The following MACROD2 variants were observed in gnomAD, a reference collection of about 807,000 sequenced individuals.
MACROD2 encodes mono-ADP ribosylhydrolase 2.
In MACROD2, 36 loss-of-function variants were observed where a neutral mutation model predicts 70.4. The ratio of observed to expected loss-of-function variants is 0.51; its 90% CI spans 0.39 to 0.68. The LOEUF is 0.68. MACROD2 is among the 30% of genes least tolerant of loss of function. The probability of loss-of-function intolerance (pLI) is 0.00; values close to 1 mark genes in which losing one functional copy is unlikely to be tolerated. For synonymous variants in MACROD2, 172 were observed against 178.8 expected (o/e 0.96, Z 0.30); for missense variants, 496 against 538.4 (o/e 0.92, Z 0.78).
chr20:14,558,182 A>G (rs769815099), intron 4 of MACROD2, among the ~76,000 whole-genome samples: 27 of 151,910 alleles, frequency 1.8e-4, no homozygotes, highest in Middle Eastern at 3.4e-3. Context: ...GGCCGTAAGC[A>G]GATTACTGAT....
intron 4 of MACROD2, among the ~76,000 whole-genome samples, chr20:14,657,877 C>A (rs1295597014): frequency 6.6e-6 from 1 of 151,806 alleles, no homozygotes. Flanking sequence ...TTCTAAGTCA[C>A]ACTCATTTTG....
chr20:15,058,110 G>A (rs548705647), intron 5 of MACROD2, among the ~76,000 whole-genome samples: 3 of 152,134 alleles, frequency 2.0e-5, no homozygotes, highest in Admixed American at 6.5e-5. Context: ...GCTGCTCGAC[G>A]TAGGGGAAGG....
chr20:15,989,217 G>T (rs1446057079), intron 15 of MACROD2, among the ~76,000 whole-genome samples: 1 of 152,142 alleles, frequency 6.6e-6, no homozygotes. Context: ...ATTTCCCCAA[G>T]TCCATTTATC....
chr20:15,382,970 A>G (rs1307351394), intron 6 of MACROD2, among the ~76,000 whole-genome samples: 1 of 152,166 alleles, frequency 6.6e-6, no homozygotes, highest in Non-Finnish European at 1.5e-5. Flanking sequence ...CTTCAGGTGA[A>G]CTCTAGATTT....
chr20:14,932,137 G>A (rs984455636), intron 5 of MACROD2, among the ~76,000 whole-genome samples: 1 of 152,058 alleles, frequency 6.6e-6, no homozygotes, highest in Non-Finnish European at 1.5e-5. Context: ...CCCTGGTTCC[G>A]GGTGGGCAAA....
At chr20:15,199,312 G>A (rs895996382) in intron 5 of MACROD2, among the ~76,000 whole-genome samples, 10 of 151,966 alleles carry the variant, frequency 6.6e-5, no homozygotes, top group African/African-American at 2.2e-4. Flanking sequence ...AGCTGTGATC[G>A]CACCAATGCA....
intron 4 of MACROD2, among the ~76,000 whole-genome samples, chr20:14,647,014 G>A (rs1166659502): frequency 2.0e-5 from 3 of 151,986 alleles, no homozygotes; most frequent in South Asian, 2.1e-4. Context: ...TTGATGATCC[G>A]TCTGTTAATG....
intron 5 of MACROD2, among the ~76,000 whole-genome samples, chr20:14,951,283 G>C (rs904634342): frequency 6.6e-6 from 1 of 152,232 alleles, no homozygotes; most frequent in East Asian, 1.9e-4. Context: ...CAGAACTGGG[G>C]TATCAAGTAG....
chr20:14,402,493 G>A (rs2083647830), intron 3 of MACROD2, among the ~76,000 whole-genome samples: 1 of 151,992 alleles, frequency 6.6e-6, no homozygotes, highest in South Asian at 2.1e-4. Flanking sequence ...ACATCATAGG[G>A]GAAATGTATG....
At chr20:15,544,074 T>C (rs1400752838) in intron 8 of MACROD2, among the ~76,000 whole-genome samples, 3 of 152,124 alleles carry the variant, frequency 2.0e-5, no homozygotes, top group African/African-American at 7.2e-5. Flanking sequence ...GGAAAGGATG[T>C]GGATACAGAG....
At chr20:15,690,151 T>C (rs2050280958) in intron 8 of MACROD2, among the ~76,000 whole-genome samples, 1 of 152,174 alleles carries the variant, frequency 6.6e-6, no homozygotes, top group South Asian at 2.1e-4. Context: ...AGAATGGATA[T>C]AATCAGGGCA....
chr20:15,700,258 C>T (rs1348010917), intron 8 of MACROD2, among the ~76,000 whole-genome samples: 7 of 152,184 alleles, frequency 4.6e-5, no homozygotes, highest in Non-Finnish European at 1.0e-4. Context: ...GGTCTTGCCT[C>T]CCGTCTGACA....
At chr20:15,081,064 T>C (rs1216962120) in intron 5 of MACROD2, among the ~76,000 whole-genome samples, 1 of 152,190 alleles carries the variant, frequency 6.6e-6, no homozygotes, top group Admixed American at 6.5e-5. Flanking sequence ...TTTGCTACTG[T>C]TTCTTCAAGC....
At chr20:15,355,565 A>G (rs967371123) in intron 6 of MACROD2, among the ~76,000 whole-genome samples, 5 of 152,300 alleles carry the variant, frequency 3.3e-5, no homozygotes, top group East Asian at 1.9e-4. Flanking sequence ...TGATTAAATA[A>G]TTGGCCACAT....
At chr20:15,483,007 A>G (rs996643458) in intron 7 of MACROD2, among the ~76,000 whole-genome samples, 1 of 152,072 alleles carries the variant, frequency 6.6e-6, no homozygotes, top group Non-Finnish European at 1.5e-5. Context: ...TTTTCACTCT[A>G]TCTGTGGCTT....
At chr20:14,602,688 C>T (rs778436574) in intron 4 of MACROD2, among the ~76,000 whole-genome samples, 4 of 152,196 alleles carry the variant, frequency 2.6e-5, no homozygotes, top group Non-Finnish European at 5.9e-5. Flanking sequence ...GTCATCTATC[C>T]TGCAATATTA....
At chr20:15,713,098 C>T (rs184553246) in intron 8 of MACROD2, among the ~76,000 whole-genome samples, 2 of 152,266 alleles carry the variant, frequency 1.3e-5, no homozygotes, top group Admixed American at 6.5e-5. Flanking sequence ...AGATACCATT[C>T]TGCAGAGAGA....
intron 6 of MACROD2, among the ~76,000 whole-genome samples, chr20:15,246,356 G>A (rs1221341680): frequency 1.3e-5 from 2 of 152,070 alleles, no homozygotes; most frequent in Admixed American, 6.6e-5. Flanking sequence ...GTTTTTTAGG[G>A]GCCAGCAATC....
chr20:15,311,748 A>G (rs1171804739), intron 6 of MACROD2, among the ~76,000 whole-genome samples: 1 of 152,150 alleles, frequency 6.6e-6, no homozygotes, highest in Non-Finnish European at 1.5e-5. Flanking sequence ...ACTCACAAAC[A>G]TAAAGATGAC....
Sources: allele counts gnomAD v4.1 joint callset (sites outside exome capture counted in the v4.1 genomes callset), GRCh38; gene constraint gnomAD v4.1.1; transcripts MANE v1.5; gene names NCBI Gene and HGNC (gene_info 2026-07-23, HGNC 2026-07-21).